The following PLCB1 variants were observed in gnomAD, a reference collection of about 807,000 sequenced individuals.
The protein encoded by PLCB1 is phospholipase C beta 1, also known as 1-phosphatidylinositol 4,5-bisphosphate phosphodiesterase beta-1.
A neutral mutation model predicts 161.8 loss-of-function variants in PLCB1; 46 were observed. That is an observed-to-expected ratio of 0.28 (90% CI 0.22 to 0.36). PLCB1 has a LOEUF of 0.36. PLCB1 is among the 10% of genes least tolerant of loss of function. PLCB1 has a pLI of 1.00. For missense variants in PLCB1, 1,016 were observed against 1,472.5 expected, an observed-to-expected ratio of 0.69 and a Z score of 5.07; for synonymous variants, 517 against 503.7, an observed-to-expected ratio of 1.03 and a Z score of -0.35.
At chr20:8,648,605 C>CT (rs1034439676) in intron 6 of PLCB1, among the ~76,000 whole-genome samples, 1 of 152,146 alleles carries the variant, frequency 6.6e-6, no homozygotes. Flanking sequence ...AGCCAAAAGT[C>CT]TTTAACTTTT....
intron 3 of PLCB1, among the ~76,000 whole-genome samples, chr20:8,408,544 A>G (rs1053935502): frequency 2.0e-5 from 3 of 152,190 alleles, no homozygotes; most frequent in African/African-American, 7.2e-5. Flanking sequence ...ATGGCGACAT[A>G]AATATTAGAC....
intron 1 of PLCB1, among the ~76,000 whole-genome samples, chr20:8,143,833 G>T (rs1309425724): frequency 2.0e-5 from 3 of 152,216 alleles, no homozygotes; most frequent in African/African-American, 7.2e-5. Flanking sequence ...GACGTATAAA[G>T]TCAACCAGAA....
intron 3 of PLCB1, among the ~76,000 whole-genome samples, chr20:8,540,086 G>T (rs919229147): frequency 2.0e-5 from 3 of 152,048 alleles, no homozygotes; most frequent in African/African-American, 7.2e-5. Context: ...AGTCAGTGAG[G>T]CTAACAAGAA....
At chr20:8,627,406 A>G (rs1988385579) in intron 3 of PLCB1, among the ~76,000 whole-genome samples, 1 of 152,210 alleles carries the variant, frequency 6.6e-6, no homozygotes, top group Non-Finnish European at 1.5e-5. Flanking sequence ...AGCCAGTCTA[A>G]GTAATCAGGA....
chr20:8,228,753 T>C (rs1979842581), intron 2 of PLCB1, among the ~76,000 whole-genome samples: 1 of 152,116 alleles, frequency 6.6e-6, no homozygotes, highest in Non-Finnish European at 1.5e-5. Flanking sequence ...TCCACTTGTT[T>C]TTCAGTTTTT....
At chr20:8,258,031 G>A (rs996076461) in intron 2 of PLCB1, among the ~76,000 whole-genome samples, 1 of 152,004 alleles carries the variant, frequency 6.6e-6, no homozygotes, top group South Asian at 2.1e-4. Context: ...TAGGCTGTTG[G>A]CTAAAATGCA....
At chr20:8,562,057 A>C (rs572149268) in intron 3 of PLCB1, among the ~76,000 whole-genome samples, 1 of 152,100 alleles carries the variant, frequency 6.6e-6, no homozygotes, top group African/African-American at 2.4e-5. Flanking sequence ...AGAAGAGCAA[A>C]CGGTCTTCGC....
chr20:8,364,767 A>G lies in PLCB1; in HGVS notation c.178-6615A>G, dbSNP rs542103329. 2.0e-4 allele frequency among the ~76,000 whole-genome samples: 30 copies of G among 152,340 alleles called. No homozygotes were observed. The East Asian group carries it at 5.4e-3, about 27-fold the overall frequency. On this transcript the variant is annotated intron_variant, in intron 2 of 31. Coordinates refer to ENST00000338037, the MANE Select transcript of PLCB1 (RefSeq NM_015192.4). Reference sequence around the variant, plus strand: ...CCCCATGTCAATTGACAGTTACAATACAACCTGTAACACATGAACGTTTTC... The same window carrying G: ...CCCCATGTCAATTGACAGTTACAATGCAACCTGTAACACATGAACGTTTTC...
At chr20:8,455,675 C>T (rs1981283928) in intron 3 of PLCB1, among the ~76,000 whole-genome samples, 1 of 152,038 alleles carries the variant, frequency 6.6e-6, no homozygotes, top group Non-Finnish European at 1.5e-5. Flanking sequence ...AAGTGTGCTG[C>T]ACCCACCTCT....
At chr20:8,708,897 G>A (rs1978840101) in intron 12 of PLCB1, 145 bp downstream of exon 12, 1 of 597,344 alleles carries the variant, frequency 1.7e-6, no homozygotes, top group Admixed American at 3.2e-5. Flanking sequence ...TCATTTGTAG[G>A]TGATGGAATT....
intron 3 of PLCB1, among the ~76,000 whole-genome samples, chr20:8,386,094 G>T: frequency 6.6e-6 from 1 of 152,080 alleles, no homozygotes; most frequent in East Asian, 1.9e-4. Context: ...AGTCAAAGTC[G>T]TCCATGAGGA....
intron 1 of PLCB1, chr20:8,141,938 A>C (rs2051408442): frequency 6.6e-6 from 1 of 152,194 alleles, no homozygotes; most frequent in South Asian, 2.1e-4. Flanking sequence ...GACATGAAGG[A>C]AATGTAGAGG....
intron 4 of PLCB1, among the ~76,000 whole-genome samples, chr20:8,635,141 A>G (rs1019209515): frequency 6.6e-6 from 1 of 152,192 alleles, no homozygotes; most frequent in African/African-American, 2.4e-5. Context: ...AGTGTGTCTT[A>G]TAATCTATCC....
intron 3 of PLCB1, among the ~76,000 whole-genome samples, chr20:8,445,608 A>G (rs553970796): frequency 2.0e-5 from 3 of 152,176 alleles, no homozygotes; most frequent in Admixed American, 1.3e-4. Context: ...CTTTATGGGG[A>G]TGGCATTGAA....
chr20:8,445,318 T>G (rs1468461288), intron 3 of PLCB1, among the ~76,000 whole-genome samples: 3 of 152,268 alleles, frequency 2.0e-5, no homozygotes, highest in East Asian at 1.9e-4. Context: ...TTTCCCCATT[T>G]CTTGTTTTTG....
At chr20:8,564,429 A>G (rs1016871292) in intron 3 of PLCB1, among the ~76,000 whole-genome samples, 1 of 152,146 alleles carries the variant, frequency 6.6e-6, no homozygotes, top group Non-Finnish European at 1.5e-5. Context: ...GCATGGGCAA[A>G]GACTTCATGG....
At chr20:8,418,734 T>C (rs1195996825) in intron 3 of PLCB1, among the ~76,000 whole-genome samples, 2 of 152,298 alleles carry the variant, frequency 1.3e-5, no homozygotes, top group East Asian at 3.9e-4. Flanking sequence ...ACTTATTTAA[T>C]GGTAGTCTAA....
chr20:8,774,404 C>G lies in PLCB1; in HGVS notation c.2931-135C>G, dbSNP rs188582639. 43 of 783,984 alleles carry G rather than the reference C, an allele frequency of 5.5e-5. No homozygotes were observed. In the Admixed American group the frequency reaches 9.3e-4, roughly 17 times the overall value. The allele number at this position is 783,984 out of a possible 1,614,324, so 48.6% of individuals were successfully genotyped here. On this transcript the variant is annotated intron_variant, in intron 26 of 31. Coordinates refer to ENST00000338037, the MANE Select transcript of PLCB1 (RefSeq NM_015192.4). ...CTAAGCTTGTCCTTGGGGTCTCACCCTCTACCCCAAGTGGCTTATGAAAAT... is the reference window on the plus strand; with the variant it reads ...CTAAGCTTGTCCTTGGGGTCTCACCGTCTACCCCAAGTGGCTTATGAAAAT...
intron 31 of PLCB1, among the ~76,000 whole-genome samples, chr20:8,797,652 A>G (rs1200536554): frequency 6.6e-6 from 1 of 152,180 alleles, no homozygotes; most frequent in Non-Finnish European, 1.5e-5. Flanking sequence ...TTTCAAATAT[A>G]TAATCTGTAT....
Sources: gnomAD v4.1 joint callset for allele counts (sites outside exome capture counted in the v4.1 genomes callset) on GRCh38, gnomAD v4.1.1 for gene constraint, MANE v1.5 for transcripts, NCBI Gene and HGNC (gene_info 2026-07-23, HGNC 2026-07-21) for gene names.